The following MYO5C variants were observed in gnomAD, a reference collection of about 807,000 sequenced individuals.
MYO5C encodes myosin VC.
Under a neutral mutation model 235.7 loss-of-function variants are expected in MYO5C, and 194 were observed. That is an observed-to-expected ratio of 0.82 (90% CI 0.73 to 0.93). The LOEUF is 0.93. Ranked by LOEUF, MYO5C falls within the 40% of genes least tolerant of loss-of-function variation. The probability of loss-of-function intolerance (pLI) is 0.00; values close to 1 mark genes in which losing one functional copy is unlikely to be tolerated. For missense variants in MYO5C, 2,038 were observed against 2,127.2 expected (o/e 0.96, Z 0.82); for synonymous variants, 707 against 754.8 (o/e 0.94, Z 1.04).
At chr15:52,289,462 G>A (rs868248226) in intron 1 of MYO5C, among the ~76,000 whole-genome samples, 1 of 152,178 alleles carries the variant, frequency 6.6e-6, no homozygotes, top group Non-Finnish European at 1.5e-5. Context: ...CATGTCAGAA[G>A]CCTGGGACAG....
At chr15:52,244,715 A>C in intron 18 of MYO5C, 148 bp from the exon 19 acceptor site, 1 of 614,940 alleles carries the variant, frequency 1.6e-6, no homozygotes, top group Non-Finnish European at 2.8e-6. Context: ...TGATCTAGAA[A>C]TGTATACTTT....
intron 25 of MYO5C, among the ~76,000 whole-genome samples, chr15:52,225,906 C>T (rs566320718): frequency 6.6e-6 from 1 of 152,068 alleles, no homozygotes; most frequent in South Asian, 2.1e-4. Context: ...AAAAATTAGC[C>T]AGGCATGGTG....
chr15:52,194,116 C>T, intron 40 of MYO5C, 62 bp from the exon 41 acceptor site: 2 of 1,539,498 alleles, frequency 1.3e-6, no homozygotes. Context: ...TTACTGCTAC[C>T]TGAAAGTCAA....
Position 52,239,726 on chromosome 15 carries a change from C to CATT in MYO5C, c.2703+6_2703+7insAAT. Reference sequence around the variant, plus strand: ...GTAAATGTAAAAGATGCACTATGAGCACCTACCTGATCTTCCAACTTTTTC... The same window carrying CATT: ...GTAAATGTAAAAGATGCACTATGAGCATTACCTACCTGATCTTCCAACTTTTTC... On this transcript the variant is annotated splice_region_variant and intron_variant, in intron 21 of 40. Coordinates refer to ENST00000261839, the MANE Select transcript of MYO5C (RefSeq NM_018728.4). 1 of 1,594,370 alleles carries CATT rather than the reference C, an allele frequency of 6.3e-7. No individual in the cohort carries two copies. Among genetic ancestry groups the CATT allele is most frequent in the African/African-American group, 1.3e-5 (1 of 74,374 alleles).
chr15:52,295,097 G>A (rs552164778), intron 1 of MYO5C, among the ~76,000 whole-genome samples: 8 of 152,344 alleles, frequency 5.3e-5, no homozygotes, highest in Non-Finnish European at 1.0e-4. Flanking sequence ...CGAACACTGC[G>A]GCCATAAGCT....
intron 36 of MYO5C, 106 bp from the exon 37 acceptor site, chr15:52,206,072 ATC>A: frequency 1.4e-6 from 1 of 709,104 alleles, no homozygotes; most frequent in Non-Finnish European, 2.1e-6. Context: ...TCTGATTTAT[ATC>A]AAATGAGTTC....
At position 52,195,381 on chromosome 15, in the gene MYO5C, A is replaced by G. The variant is rs1205405002; in HGVS notation, c.5072T>C (p.Val1691Ala). Residue 1691 changes from valine (V) to alanine (A), a missense_variant, in exon 40 of 41, where the codon GTA becomes GCA. Val to Ala is a moderately conservative substitution (Grantham distance 64). Coordinates refer to ENST00000261839, the MANE Select transcript of MYO5C (RefSeq NM_018728.4). ...GCACATCCTTAAGAATCTCACCTGT[A>G]CTTTGCGAACAAAGGATGGAGTCAC... is the stretch of plus-strand genomic sequence containing the variant. The part of the protein sequence containing the change: ...KRVTPSFVRK[V>A]QALLNSREDS... The G allele has an allele frequency of 3.7e-6, 6 of 1,609,064 alleles. No homozygotes were observed. Among genetic ancestry groups the G allele is most frequent in the Non-Finnish European group, 8.5e-7 (1 of 1,175,968 alleles).
intron 33 of MYO5C, among the ~76,000 whole-genome samples, chr15:52,214,396 A>C (rs558469970): frequency 6.6e-6 from 1 of 152,338 alleles, no homozygotes; most frequent in East Asian, 1.9e-4. Flanking sequence ...TTGCGAGTAC[A>C]TGAATGTATC....
rs999543808 is a variant in MYO5C at position 52,289,625 on chromosome 15, C to A, written c.27+5985G>T. On this transcript the variant is annotated intron_variant, in intron 1 of 40. Coordinates refer to ENST00000261839, the MANE Select transcript of MYO5C (RefSeq NM_018728.4). ...AGCCCCCAACCCTACCCCCACCAAT[C>A]CTCTCTTGACTGGTGCAGCAGCCCC... Among the ~76,000 whole-genome samples, 14 of 152,068 alleles carry A rather than the reference C, an allele frequency of 9.2e-5. No homozygotes were observed. The East Asian group carries it at 1.2e-3, about 13-fold the overall frequency.
chr15:52,253,792 T>C (rs2036523746), intron 11 of MYO5C, among the ~76,000 whole-genome samples: 3 of 152,212 alleles, frequency 2.0e-5, no homozygotes, highest in Admixed American at 1.3e-4. Flanking sequence ...ATCCAGCCTC[T>C]TTGGCCTAAT....
intron 35 of MYO5C, among the ~76,000 whole-genome samples, chr15:52,210,689 C>G (rs1287147687): frequency 2.0e-5 from 3 of 152,194 alleles, no homozygotes; most frequent in African/African-American, 7.2e-5. Flanking sequence ...TTTTACAAAG[C>G]AACTATCCCT....
At chr15:52,224,362 C>A (rs1422909593) in intron 28 of MYO5C, among the ~76,000 whole-genome samples, 1 of 152,178 alleles carries the variant, frequency 6.6e-6, no homozygotes, top group African/African-American at 2.4e-5. Context: ...TCAAAACCTA[C>A]AGAATGTACA....
At chr15:52,208,844 G>T (rs1258952159) in intron 35 of MYO5C, among the ~76,000 whole-genome samples, 1 of 152,194 alleles carries the variant, frequency 6.6e-6, no homozygotes, top group Non-Finnish European at 1.5e-5. Flanking sequence ...TGTACAGGTT[G>T]TGTCACTCAT....
chr15:52,264,304 C>A lies in MYO5C; in HGVS notation c.941-8G>T. 2.5e-6 allele frequency: 4 copies of A among 1,605,156 alleles called. No homozygotes were observed. The East Asian group carries it at 8.9e-5, about 36-fold the overall frequency. Reference sequence around the variant, plus strand: ...GAAAATCCTCCTTGAAACCTAAAAACAAACATTTTCCCAGATTAGAATACT... The same window carrying A: ...GAAAATCCTCCTTGAAACCTAAAAAAAAACATTTTCCCAGATTAGAATACT... On this transcript the variant is annotated splice_region_variant and splice_polypyrimidine_tract_variant and intron_variant, in intron 8 of 40. Transcript: ENST00000261839.
At position 52,272,618 on chromosome 15, in the gene MYO5C, T is replaced by C; in HGVS notation, c.712A>G (p.Ser238Gly). The change falls in exon 6 of 41, where the codon AGC (serine) becomes GGC (glycine). Residue 238 changes from serine (S) to glycine (G), a missense_variant. Physicochemically the swap from Ser to Gly is moderately conservative, Grantham distance 56. Coordinates refer to ENST00000261839, the MANE Select transcript of MYO5C (RefSeq NM_018728.4). The part of the protein sequence containing the change: ...EQNQIIGANM[S>G]TYLLEKSRVV... ...CTGGATTTCTCCAGGAGGTAAGTGCTCATGTTGGCTCCTATAATTTGATTT... is the reference window on the plus strand; with the variant it reads ...CTGGATTTCTCCAGGAGGTAAGTGCCCATGTTGGCTCCTATAATTTGATTT... The C allele has an allele frequency of 6.2e-7, 1 of 1,614,122 alleles. No homozygotes were observed. Among genetic ancestry groups the C allele is most frequent in the Non-Finnish European group, 8.5e-7 (1 of 1,179,994 alleles).
chr15:52,235,626 G>A, intron 23 of MYO5C, 44 bp downstream of exon 23: 1 of 1,483,112 alleles, frequency 6.7e-7, no homozygotes, highest in Non-Finnish European at 9.3e-7. Flanking sequence ...TTTACTGAGT[G>A]ACTAAATCAG....
intron 14 of MYO5C, among the ~76,000 whole-genome samples, chr15:52,248,091 G>A (rs2036391808): frequency 6.6e-6 from 1 of 152,150 alleles, no homozygotes; most frequent in Non-Finnish European, 1.5e-5. Context: ...CTTTGTATCA[G>A]TTATTTCTTT....
chr15:52,207,186 G>A (rs1265364242), intron 36 of MYO5C, among the ~76,000 whole-genome samples: 1 of 151,784 alleles, frequency 6.6e-6, no homozygotes, highest in East Asian at 1.9e-4. Context: ...AAGAGACAGA[G>A]GTGAAAAGGA....
At position 52,193,966 on chromosome 15, in the gene MYO5C, G is replaced by A. The variant is rs775368411; in HGVS notation, c.5165C>T (p.Pro1722Leu). 1 of 1,613,836 alleles carries A rather than the reference G, an allele frequency of 6.2e-7. No homozygotes were observed. The highest frequency in any genetic ancestry group is 8.5e-7 in the Non-Finnish European group (1 of 1,179,908). The change falls in exon 41 of 41, where the codon CCA becomes CTA. Residue 1722 changes from proline to leucine, a missense_variant. Coordinates refer to ENST00000261839, the MANE Select transcript of MYO5C (RefSeq NM_018728.4). ...GATCTGAATCATTTCCAGAGCATGT[G>A]GAGAGGGGGTAAAAGGAAATGTGAC... is the stretch of plus-strand genomic sequence containing the variant. The part of the protein sequence containing the change: ...FQVTFPFTPS[P>L]HALEMIQIPS...
Sources: gnomAD v4.1 joint callset for allele counts (sites outside exome capture counted in the v4.1 genomes callset) on GRCh38, gnomAD v4.1.1 for gene constraint, MANE v1.5 for transcripts, NCBI Gene and HGNC (gene_info 2026-07-23, HGNC 2026-07-21) for gene names.